TSPAN18: variants seen among roughly 807,000 people sequenced by gnomAD.
TSPAN18 encodes the protein tetraspanin-18.
In TSPAN18, 14 loss-of-function variants were observed where a neutral mutation model predicts 27.3. That is an observed-to-expected ratio of 0.51 (90% CI 0.34 to 0.80). The LOEUF (loss-of-function observed/expected upper bound fraction) is 0.80. TSPAN18 is among the 30% of genes least tolerant of loss of function. The pLI, the probability that TSPAN18 is intolerant of heterozygous loss-of-function variation, is 0.01. For missense variants in TSPAN18, 268 were observed against 323.9 expected, an observed-to-expected ratio of 0.83 and a Z score of 1.32; for synonymous variants, 143 against 136.5, an observed-to-expected ratio of 1.05 and a Z score of -0.33.
At chr11:44,875,805 G>A (rs972287545) in intron 3 of TSPAN18, among the ~76,000 whole-genome samples, 1 of 152,204 alleles carries the variant, frequency 6.6e-6, no homozygotes, top group African/African-American at 2.4e-5. Flanking sequence ...AGATGAGCTA[G>A]GATTTATATA....
intron 2 of TSPAN18, among the ~76,000 whole-genome samples, chr11:44,784,943 G>T (rs1025792192): frequency 1.3e-5 from 2 of 152,208 alleles, no homozygotes; most frequent in Non-Finnish European, 1.5e-5. Context: ...AATAATGTGA[G>T]TGGTGAATGC....
intron 5 of TSPAN18, among the ~76,000 whole-genome samples, chr11:44,916,459 A>G (rs1253730356): frequency 6.6e-6 from 1 of 152,106 alleles, no homozygotes; most frequent in Non-Finnish European, 1.5e-5. Flanking sequence ...CGTGGCCCAC[A>G]TTCACTCCCC....
At chr11:44,742,031 G>A (rs1171472556) in intron 1 of TSPAN18, among the ~76,000 whole-genome samples, 1 of 147,144 alleles carries the variant, frequency 6.8e-6, no homozygotes, top group Admixed American at 6.7e-5. Context: ...CAATCCAACC[G>A]GAGTGGGATT....
At chr11:44,744,860 CA>C (rs1179588188) in intron 1 of TSPAN18, among the ~76,000 whole-genome samples, 1 of 152,160 alleles carries the variant, frequency 6.6e-6, no homozygotes, top group African/African-American at 2.4e-5. Context: ...CTTTTCATCG[CA>C]AATGCCAACG....
At chr11:44,846,011 A>G (rs1857472485) in intron 2 of TSPAN18, among the ~76,000 whole-genome samples, 1 of 152,212 alleles carries the variant, frequency 6.6e-6, no homozygotes, top group Non-Finnish European at 1.5e-5. Context: ...CATCTGTAAG[A>G]TGGGGAGAAT....
At chr11:44,890,935 A>C (rs2135282234) in intron 3 of TSPAN18, among the ~76,000 whole-genome samples, 1 of 152,104 alleles carries the variant, frequency 6.6e-6, no homozygotes, top group South Asian at 2.1e-4. Context: ...ACTTTGGGAG[A>C]CCAAGGCAGG....
intron 2 of TSPAN18, among the ~76,000 whole-genome samples, chr11:44,799,379 C>T (rs1856424665): frequency 6.6e-6 from 1 of 152,190 alleles, no homozygotes; most frequent in Non-Finnish European, 1.5e-5. Flanking sequence ...GACACACCCA[C>T]GACACCATGC....
Position 44,929,111 on chromosome 11 carries a change from C to T in TSPAN18, c.700-20C>T. 1 of 1,612,516 alleles carries T rather than the reference C, an allele frequency of 6.2e-7. No individual in the cohort carries two copies. Among genetic ancestry groups the T allele is most frequent in the Non-Finnish European group, 8.5e-7 (1 of 1,179,548 alleles). Reference sequence around the variant, plus strand: ...GCCCAGCCTGATAAGCCAGTTCCTGCTCTTTTTCTTTTTTTGCAGCTTTTC... The same window carrying T: ...GCCCAGCCTGATAAGCCAGTTCCTGTTCTTTTTCTTTTTTTGCAGCTTTTC... On this transcript the variant is annotated intron_variant, in intron 9 of 9. Transcript: ENST00000520358.
intron 2 of TSPAN18, among the ~76,000 whole-genome samples, chr11:44,786,116 AG>A (rs1226828010): frequency 6.6e-6 from 1 of 152,240 alleles, no homozygotes; most frequent in East Asian, 1.9e-4. Context: ...GTGATGCCAC[AG>A]GGCCCCGTGG....
intron 1 of TSPAN18, among the ~76,000 whole-genome samples, chr11:44,750,836 GA>G (rs1855193741): frequency 6.6e-6 from 1 of 152,246 alleles, no homozygotes; most frequent in Admixed American, 6.5e-5. Context: ...AGGGCAAGGT[GA>G]AGTGACTCAG....
chr11:44,910,384 C>A (rs1859664360), intron 5 of TSPAN18, among the ~76,000 whole-genome samples: 1 of 152,216 alleles, frequency 6.6e-6, no homozygotes, highest in African/African-American at 2.4e-5. Context: ...GGTCCCCAGC[C>A]TTTTCCATCT....
chr11:44,841,176 C>T (rs1857365951), intron 2 of TSPAN18, among the ~76,000 whole-genome samples: 1 of 152,132 alleles, frequency 6.6e-6, no homozygotes, highest in Admixed American at 6.5e-5. Flanking sequence ...GCTTAATACT[C>T]CAGCATAGGA....
intron 3 of TSPAN18, among the ~76,000 whole-genome samples, chr11:44,898,061 A>G (rs1859127461): frequency 6.6e-6 from 1 of 152,196 alleles, no homozygotes; most frequent in Non-Finnish European, 1.5e-5. Context: ...CAGATATATA[A>G]TTGAGGACCC....
chr11:44,926,552 C>A, intron 8 of TSPAN18, 122 bp from the exon 9 acceptor site: 1 of 868,246 alleles, frequency 1.2e-6, no homozygotes, highest in Non-Finnish European at 1.9e-6. Context: ...CCTGTCTCAG[C>A]AGCCGTGTGA....
intron 3 of TSPAN18, among the ~76,000 whole-genome samples, chr11:44,891,993 C>A (rs1329196756): frequency 6.6e-6 from 1 of 152,210 alleles, no homozygotes; most frequent in African/African-American, 2.4e-5. Context: ...AGGGAGGCCA[C>A]TGAGTGGATG....
intron 2 of TSPAN18, among the ~76,000 whole-genome samples, chr11:44,858,766 G>C (rs1375877164): frequency 6.6e-6 from 1 of 152,164 alleles, no homozygotes; most frequent in Non-Finnish European, 1.5e-5. Context: ...GGGGAGGAGA[G>C]GCCAAGAGTG....
At chr11:44,819,303 A>G (rs1856878470) in intron 2 of TSPAN18, among the ~76,000 whole-genome samples, 1 of 152,106 alleles carries the variant, frequency 6.6e-6, no homozygotes. Flanking sequence ...CGGTAATTAT[A>G]GGGACTGGAG....
intron 3 of TSPAN18, chr11:44,901,401 G>A (rs1310422787): frequency 6.6e-6 from 1 of 152,268 alleles, no homozygotes; most frequent in Non-Finnish European, 1.5e-5. Flanking sequence ...TTGCTAAAGA[G>A]CCAGAGCCGG....
intron 3 of TSPAN18, among the ~76,000 whole-genome samples, chr11:44,874,868 C>A (rs1858288241): frequency 6.6e-6 from 1 of 152,198 alleles, no homozygotes; most frequent in African/African-American, 2.4e-5. Context: ...CTTTAGCAAC[C>A]CTTTTTCAGA....
Sources: gnomAD v4.1 joint callset for allele counts (sites outside exome capture counted in the v4.1 genomes callset) on GRCh38, gnomAD v4.1.1 for gene constraint, MANE v1.5 for transcripts, NCBI Gene and HGNC (gene_info 2026-07-23, HGNC 2026-07-21) for gene names.